VAV2: variants seen among roughly 807,000 people sequenced by gnomAD.
VAV2 encodes the protein guanine nucleotide exchange factor VAV2.
Under a neutral mutation model 132.5 loss-of-function variants are expected in VAV2, and 67 were observed. The observed-to-expected ratio is 0.51, with a 90% CI of 0.42 to 0.62. The LOEUF is 0.62. Among genes scored for constraint, VAV2 ranks in the 20% least tolerant of loss-of-function variants. The pLI is 0.00. For synonymous variants in VAV2, 492 were observed against 443.5 expected (o/e 1.11, Z -1.37); for missense variants, 938 against 1,153.6 (o/e 0.81, Z 2.71).
At chr9:133,805,178 G>C (rs76626408) in intron 9 of VAV2, among the ~76,000 whole-genome samples, 6 of 152,084 alleles carry the variant, frequency 3.9e-5, no homozygotes, top group Non-Finnish European at 8.8e-5. Flanking sequence ...AGATGGACCC[G>C]GGCGCCCAAT....
At chr9:133,889,381 C>A (rs140194124) in intron 2 of VAV2, among the ~76,000 whole-genome samples, 1 of 152,138 alleles carries the variant, frequency 6.6e-6, no homozygotes, top group Admixed American at 6.5e-5. Context: ...CTGGCCTGAC[C>A]CCTCCTAAGA....
intron 3 of VAV2, among the ~76,000 whole-genome samples, chr9:133,858,983 C>T (rs1837492000): frequency 6.6e-6 from 1 of 152,202 alleles, no homozygotes; most frequent in South Asian, 2.1e-4. Flanking sequence ...GGACCAGGGC[C>T]AGCAAGCAGG....
At chr9:133,954,333 A>C (rs981109723) in intron 1 of VAV2, among the ~76,000 whole-genome samples, 3 of 152,204 alleles carry the variant, frequency 2.0e-5, no homozygotes, top group Non-Finnish European at 2.9e-5. Flanking sequence ...CAGGCTGCCA[A>C]ATCAGTTCTG....
At chr9:133,988,151 T>A (rs747042154) in intron 1 of VAV2, among the ~76,000 whole-genome samples, 22 of 152,082 alleles carry the variant, frequency 1.4e-4, no homozygotes, top group Non-Finnish European at 3.1e-4. Flanking sequence ...ATGCCATGAC[T>A]GGCAGGGAGG....
At chr9:133,852,979 TCTCA>T (rs1837244764) in intron 3 of VAV2, among the ~76,000 whole-genome samples, 2 of 152,094 alleles carry the variant, frequency 1.3e-5, no homozygotes, top group Admixed American at 1.3e-4. Flanking sequence ...CACCCGATTC[TCTCA>T]CTCAGTCCTT....
intron 1 of VAV2, among the ~76,000 whole-genome samples, chr9:133,978,444 A>G (rs441533): frequency 0.27 from 40,332 of 152,110 alleles, 6,118 homozygotes; most frequent in Middle Eastern, 0.38. Context: ...CGGGCTCCCC[A>G]ATCCTGGGAA....
intron 2 of VAV2, among the ~76,000 whole-genome samples, chr9:133,878,529 G>A (rs1838357786): frequency 6.6e-6 from 1 of 152,182 alleles, no homozygotes; most frequent in African/African-American, 2.4e-5. Context: ...GCCCACGGCT[G>A]CCCCGCTGCA....
At chr9:133,814,097 G>A (rs546888648) in intron 4 of VAV2, among the ~76,000 whole-genome samples, 5 of 152,318 alleles carry the variant, frequency 3.3e-5, no homozygotes, top group South Asian at 2.1e-4. Flanking sequence ...GCCGTCAGAC[G>A]GGTTGGGCCC....
chr9:133,829,366 C>T (rs928465578), intron 4 of VAV2, among the ~76,000 whole-genome samples: 6 of 152,366 alleles, frequency 3.9e-5, no homozygotes, highest in East Asian at 3.9e-4. Flanking sequence ...CAGTGTTATA[C>T]GTGCCCACAC....
intron 2 of VAV2, among the ~76,000 whole-genome samples, chr9:133,902,799 C>T (rs1457041698): frequency 6.6e-6 from 1 of 152,130 alleles, no homozygotes; most frequent in East Asian, 1.9e-4. Context: ...TTGCCAGGCG[C>T]AATGGCTCAC....
At chr9:133,910,245 C>T (rs1205493270) in intron 2 of VAV2, among the ~76,000 whole-genome samples, 4 of 152,266 alleles carry the variant, frequency 2.6e-5, no homozygotes, top group South Asian at 2.1e-4. Flanking sequence ...ACTATGGCAC[C>T]GTCACCCCTA....
chr9:133,887,781 C>G lies in VAV2; in HGVS notation c.322-26349G>C, dbSNP rs907318763. Among the ~76,000 whole-genome samples, 97 of 152,090 alleles carry G rather than the reference C, an allele frequency of 6.4e-4. 1 individual carries two copies. The highest frequency in any genetic ancestry group is 2.2e-4 in the Non-Finnish European group (15 of 67,998). On this transcript the variant is annotated intron_variant, in intron 2 of 29. Coordinates refer to ENST00000371850, the MANE Select transcript of VAV2 (RefSeq NM_001134398.2). ...AGGCCAGGAACCGCCCCTGCCCCTG[C>G]CTCTGCCTCCCATCCCCCGCCCCCC...
chr9:133,825,133 G>C (rs1008967880), intron 4 of VAV2, among the ~76,000 whole-genome samples: 4 of 148,260 alleles, frequency 2.7e-5, no homozygotes, highest in African/African-American at 9.8e-5. Flanking sequence ...GGCCAGTGGG[G>C]AGGCAGCTCC....
chr9:133,968,482 C>T (rs186814321), intron 1 of VAV2, among the ~76,000 whole-genome samples: 1 of 152,258 alleles, frequency 6.6e-6, no homozygotes, highest in East Asian at 1.9e-4. Context: ...AGCTCTGGTA[C>T]CACCCATGCA....
chr9:133,780,587 T>G, intron 20 of VAV2, 107 bp downstream of exon 20: 2 of 1,240,932 alleles, frequency 1.6e-6, no homozygotes, highest in Non-Finnish European at 2.1e-6. Context: ...CAAGCCGGTG[T>G]GGCCCCATGA....
chr9:133,768,107 G>C lies in VAV2; in HGVS notation c.2589+335C>G, dbSNP rs550846728. Among the ~76,000 whole-genome samples the C allele has an allele frequency of 6.6e-6, 1 of 152,124 alleles. No homozygotes were observed. The highest frequency in any genetic ancestry group is 2.4e-5 in the African/African-American group (1 of 41,412). The stretch of plus-strand genomic sequence containing the variant: ...ACCTCCCTTCCCGCAAACAGAGCTT[G>C]GGGACTTGCAAGTAATTTGGCGAGT... On this transcript the variant is annotated intron_variant, in intron 29 of 29. Transcript: ENST00000371850. The surrounding 1 kb of genome is among the most constrained non-coding windows in gnomAD (Gnocchi z 5.3).
rs1439831901 is a variant in VAV2, at chr9:133,770,285, TG to T, written c.2347+92del. ...GTTCCCCAGGGTGGGACTCCTGGTC[TG>T]GGTCTGTGAGGGCAGGATCTGAGCC... On this transcript the variant is annotated intron_variant, in intron 27 of 29. Coordinates refer to ENST00000371850, the MANE Select transcript of VAV2 (RefSeq NM_001134398.2). 18 of 1,572,628 alleles carry T rather than the reference TG, an allele frequency of 1.1e-5. No individual in the cohort carries two copies. In the East Asian group the frequency reaches 2.7e-4, roughly 24 times the overall value.
chr9:133,839,451 G>GTTTTTT (rs765088441), intron 3 of VAV2, among the ~76,000 whole-genome samples: 1 of 140,478 alleles, frequency 7.1e-6, no homozygotes, highest in African/African-American at 2.6e-5. Flanking sequence ...ATACGAGGAA[G>GTTTTTT]TTTTTTTTTT....
intron 29 of VAV2, among the ~76,000 whole-genome samples, chr9:133,765,403 G>A (rs1002701553): frequency 6.6e-6 from 1 of 152,108 alleles, no homozygotes; most frequent in Non-Finnish European, 1.5e-5. Flanking sequence ...AGGACACTAC[G>A]GCACTGAGAA....
Sources: gnomAD v4.1 joint callset for allele counts (sites outside exome capture counted in the v4.1 genomes callset) on GRCh38, gnomAD v4.1.1 for gene constraint, Gnocchi (gnomAD v3.1) non-coding constraint, MANE v1.5 for transcripts, NCBI Gene and HGNC (gene_info 2026-07-23, HGNC 2026-07-21) for gene names.